GRIK2: variants seen among roughly 807,000 people sequenced by gnomAD.
GRIK2 encodes the protein glutamate ionotropic receptor kainate type subunit 2.
In GRIK2, 32 loss-of-function variants were observed where a neutral mutation model predicts 100.3. That is an observed-to-expected ratio of 0.32 (90% CI 0.24 to 0.43). The LOEUF (loss-of-function observed/expected upper bound fraction) is 0.43, where lower values mean the gene tolerates loss of function less well. Among genes scored for constraint, GRIK2 ranks in the 20% least tolerant of loss-of-function variants. The pLI is 1.00. For synonymous variants in GRIK2, 417 were observed against 389.4 expected (o/e 1.07, Z -0.83); for missense variants, 843 against 1,114.9 (o/e 0.76, Z 3.47).
At chr6:101,865,277 A>T (rs1050741989) in intron 11 of GRIK2, among the ~76,000 whole-genome samples, 1 of 152,212 alleles carries the variant, frequency 6.6e-6, no homozygotes, top group African/African-American at 2.4e-5. Flanking sequence ...AATGCTTCCC[A>T]GCTTGCTGCC....
At chr6:101,731,801 G>A (rs1048900256) in intron 7 of GRIK2, among the ~76,000 whole-genome samples, 1 of 151,858 alleles carries the variant, frequency 6.6e-6, no homozygotes, top group African/African-American at 2.4e-5. Flanking sequence ...TAACAGACAA[G>A]ACAGAATTCA....
intron 2 of GRIK2, among the ~76,000 whole-genome samples, chr6:101,464,493 C>CTTTT (rs1771511667): frequency 1.9e-5 from 1 of 53,900 alleles, no homozygotes; most frequent in African/African-American, 6.0e-5. Context: ...TTTTCTTTTT[C>CTTTT]TTTCTTTTTT....
At chr6:102,018,279 T>G (rs1254745207) in intron 14 of GRIK2, among the ~76,000 whole-genome samples, 1 of 152,116 alleles carries the variant, frequency 6.6e-6, no homozygotes, top group Non-Finnish European at 1.5e-5. Flanking sequence ...GCAGAATGAC[T>G]GGAAGGAACT....
At chr6:101,647,307 C>A (rs1781576541) in intron 4 of GRIK2, among the ~76,000 whole-genome samples, 1 of 151,946 alleles carries the variant, frequency 6.6e-6, no homozygotes, top group African/African-American at 2.4e-5. Context: ...CTAGGGTCCA[C>A]AGCTATCTAC....
intron 14 of GRIK2, among the ~76,000 whole-genome samples, chr6:102,018,013 T>A (rs1299274496): frequency 6.6e-6 from 1 of 152,204 alleles, no homozygotes; most frequent in Non-Finnish European, 1.5e-5. Context: ...CTTACTGCCA[T>A]ATCTGACTCT....
rs1562177956 is a variant in GRIK2, at chr6:101,494,028, A to AATT, written c.115+94636_115+94637insATT. Among the ~76,000 whole-genome samples, 618 of 87,376 alleles carry AATT rather than the reference A, an allele frequency of 7.1e-3. 2 individuals carry two copies. The highest frequency in any genetic ancestry group is 0.036 in the African/African-American group (583 of 16,050). 57.3% of individuals were successfully genotyped at this position (87,376 alleles called of 152,430 possible). A position where few individuals can be genotyped will look rare whatever the true frequency, so the allele number is the denominator to read the frequency against. ...TATATATTATATATAAAAATTATAT[A>AATT]TATAATTTATTATATAAAATATATA... On this transcript the variant is annotated intron_variant, in intron 2 of 16. Transcript: ENST00000369134.
intron 2 of GRIK2, among the ~76,000 whole-genome samples, chr6:101,607,796 A>G (rs1779501056): frequency 1.3e-5 from 2 of 151,850 alleles, no homozygotes; most frequent in African/African-American, 2.4e-5. Context: ...TTTTGGGTAC[A>G]AATTAATAAA....
intron 16 of GRIK2, chr6:102,064,102 G>A (rs1648850769): frequency 1.3e-6 from 1 of 785,088 alleles, no homozygotes; most frequent in Admixed American, 2.3e-5. Context: ...ATATTAATGT[G>A]GAGAAACATT....
chr6:101,573,596 T>C (rs941285614), intron 2 of GRIK2, among the ~76,000 whole-genome samples: 5 of 152,210 alleles, frequency 3.3e-5, no homozygotes, highest in African/African-American at 1.2e-4. Context: ...TTTCTAAATC[T>C]CTGGGGCTCA....
At chr6:101,746,811 C>G (rs1039317481) in intron 7 of GRIK2, among the ~76,000 whole-genome samples, 8 of 152,004 alleles carry the variant, frequency 5.3e-5, no homozygotes, top group African/African-American at 1.7e-4. Context: ...ATATATACTC[C>G]CAAACACACC....
In GRIK2 at chr6:102,018,066, A is replaced by G. The variant is rs530511850; in HGVS notation, c.2086-17275A>G. Among the ~76,000 whole-genome samples, 8 of 152,218 alleles carry G rather than the reference A, an allele frequency of 5.3e-5. No individual in the cohort carries two copies. The East Asian group carries it at 1.6e-3, about 30-fold the overall frequency. On this transcript the variant is annotated intron_variant, in intron 14 of 16. Transcript: ENST00000369134. Reference sequence around the variant, plus strand: ...AGTCTCTTCAAACTTGTGTTTTTGCATTCTAGTATGCCTTGTAACTTTCTG... The same window carrying G: ...AGTCTCTTCAAACTTGTGTTTTTGCGTTCTAGTATGCCTTGTAACTTTCTG...
chr6:101,406,832 T>A (rs1233559014), intron 2 of GRIK2, among the ~76,000 whole-genome samples: 2 of 152,188 alleles, frequency 1.3e-5, no homozygotes, highest in East Asian at 3.9e-4. Context: ...GTGATTATTT[T>A]AAATAAGATG....
At chr6:101,934,394 C>G (rs1790488966) in intron 14 of GRIK2, among the ~76,000 whole-genome samples, 2 of 151,814 alleles carry the variant, frequency 1.3e-5, no homozygotes, top group Admixed American at 1.3e-4. Context: ...GCCACTTATT[C>G]TGATCTTACC....
At chr6:101,737,541 A>G (rs1294030126) in intron 7 of GRIK2, among the ~76,000 whole-genome samples, 1 of 152,174 alleles carries the variant, frequency 6.6e-6, no homozygotes, top group Non-Finnish European at 1.5e-5. Context: ...CACTATCACA[A>G]GAACAGCAGG....
intron 2 of GRIK2, among the ~76,000 whole-genome samples, chr6:101,538,361 A>G (rs1191778657): frequency 6.6e-6 from 1 of 151,552 alleles, no homozygotes; most frequent in Non-Finnish European, 1.5e-5. Flanking sequence ...TAGAGAACAC[A>G]TTATTTTCTC....
intron 2 of GRIK2, among the ~76,000 whole-genome samples, chr6:101,480,444 T>A (rs1338381757): frequency 6.6e-6 from 1 of 152,110 alleles, no homozygotes; most frequent in East Asian, 1.9e-4. Flanking sequence ...CTTTCTCTTT[T>A]GTCAGGATTA....
chr6:101,616,981 T>C (rs1779921491), intron 2 of GRIK2, among the ~76,000 whole-genome samples: 1 of 151,726 alleles, frequency 6.6e-6, no homozygotes. Flanking sequence ...ATTATTTTCT[T>C]GTAAAATGTA....
intron 2 of GRIK2, among the ~76,000 whole-genome samples, chr6:101,411,262 C>T (rs937400514): frequency 6.6e-6 from 1 of 151,990 alleles, no homozygotes; most frequent in Non-Finnish European, 1.5e-5. Flanking sequence ...TTGCCTCCTG[C>T]AAAGATATGT....
At chr6:101,978,585 A>G (rs1793537253) in intron 14 of GRIK2, among the ~76,000 whole-genome samples, 1 of 151,938 alleles carries the variant, frequency 6.6e-6, no homozygotes, top group Non-Finnish European at 1.5e-5. Context: ...GCAATCTGGC[A>G]GTTTCTGACA....
Sources: allele counts gnomAD v4.1 joint callset (sites outside exome capture counted in the v4.1 genomes callset), GRCh38; gene constraint gnomAD v4.1.1; transcripts MANE v1.5; gene names NCBI Gene and HGNC (gene_info 2026-07-23, HGNC 2026-07-21).